Variants in XRRA1 observed in about 807,000 individuals in gnomAD.
XRRA1 encodes X-ray radiation resistance-associated protein 1.
A neutral mutation model predicts 80.2 loss-of-function variants in XRRA1; 69 were observed. The ratio of observed to expected loss-of-function variants is 0.86; its 90% confidence interval spans 0.71 to 1.05. The LOEUF (loss-of-function observed/expected upper bound fraction) is 1.05. Among genes scored for constraint, XRRA1 ranks in the 50% least tolerant of loss-of-function variants. XRRA1 has a pLI of 0.00. For missense variants in XRRA1, 967 were observed against 976.4 expected, an observed-to-expected ratio of 0.99 and a Z score of 0.13; for synonymous variants, 348 against 389.9, an observed-to-expected ratio of 0.89 and a Z score of 1.27.
intron 10 of XRRA1, among the ~76,000 whole-genome samples, chr11:74,880,321 T>A (rs1345870021): frequency 6.6e-6 from 1 of 152,238 alleles, no homozygotes; most frequent in African/African-American, 2.4e-5. Context: ...ATCCCCTTTA[T>A]CATTTTTTAT....
intron 10 of XRRA1, among the ~76,000 whole-genome samples, chr11:74,865,754 G>A (rs2043256878): frequency 6.6e-6 from 1 of 152,246 alleles, no homozygotes. Context: ...CCCATGCAGA[G>A]ACCTGCTGGG....
At chr11:74,872,370 T>C (rs1442573368) in intron 10 of XRRA1, among the ~76,000 whole-genome samples, 1 of 152,198 alleles carries the variant, frequency 6.6e-6, no homozygotes, top group East Asian at 1.9e-4. Flanking sequence ...AAGCAGGCTA[T>C]AGGACCAGAT....
chr11:74,894,366 G>A (rs1322459639), intron 10 of XRRA1, among the ~76,000 whole-genome samples: 1 of 152,086 alleles, frequency 6.6e-6, no homozygotes. Context: ...CCCATGACAT[G>A]CAATTTACCT....
At chr11:74,849,766 T>G (rs899293179) in intron 14 of XRRA1, among the ~76,000 whole-genome samples, 1 of 152,248 alleles carries the variant, frequency 6.6e-6, no homozygotes, top group African/African-American at 2.4e-5. Context: ...GAGACCAGGC[T>G]ATTTTATCTT....
chr11:74,849,112 C>A (rs561795566), intron 14 of XRRA1, among the ~76,000 whole-genome samples: 1 of 152,196 alleles, frequency 6.6e-6, no homozygotes. Flanking sequence ...GTCCATGTGC[C>A]CTCAGCTGGG....
chr11:74,933,993 T>G (rs1944301924), intron 4 of XRRA1, 121 bp from the exon 5 acceptor site: 2 of 726,644 alleles, frequency 2.8e-6, no homozygotes, highest in African/African-American at 3.5e-5. Flanking sequence ...GCTTGTTCAT[T>G]CATTCATTCA....
intron 10 of XRRA1, among the ~76,000 whole-genome samples, chr11:74,874,428 G>A (rs576620036): frequency 3.6e-4 from 55 of 152,156 alleles, no homozygotes; most frequent in African/African-American, 1.2e-3. Context: ...GGCCCTGGGA[G>A]TTTTAACTCA....
intron 11 of XRRA1, among the ~76,000 whole-genome samples, chr11:74,861,882 T>C (rs542561753): frequency 3.9e-5 from 6 of 152,322 alleles, no homozygotes; most frequent in Admixed American, 1.3e-4. Flanking sequence ...ACTTCCAAAC[T>C]TGTGGCTGGC....
chr11:74,850,431 A>C (rs1232896210), intron 14 of XRRA1, among the ~76,000 whole-genome samples: 1 of 152,204 alleles, frequency 6.6e-6, no homozygotes, highest in Non-Finnish European at 1.5e-5. Flanking sequence ...GTCAGACAAG[A>C]GCCTGGCTGG....
At chr11:74,879,948 T>C (rs1437267537) in intron 10 of XRRA1, among the ~76,000 whole-genome samples, 7 of 152,062 alleles carry the variant, frequency 4.6e-5, no homozygotes, top group Non-Finnish European at 8.8e-5. Flanking sequence ...TGTCTCTGCC[T>C]GGCTTTGGTA....
chr11:74,886,042 A>C (rs2048940294), intron 10 of XRRA1, among the ~76,000 whole-genome samples: 1 of 152,248 alleles, frequency 6.6e-6, no homozygotes, highest in Non-Finnish European at 1.5e-5. Context: ...TCAATAAACT[A>C]GGCATTTAAG....
chr11:74,932,307 A>G (rs1399847792), intron 5 of XRRA1, among the ~76,000 whole-genome samples: 5 of 152,220 alleles, frequency 3.3e-5, no homozygotes, highest in Non-Finnish European at 7.3e-5. Flanking sequence ...CAGCTAAGCT[A>G]CCACCCTCTC....
chr11:74,906,927 A>C, intron 9 of XRRA1: 1 of 537,978 alleles, frequency 1.9e-6, no homozygotes, highest in Non-Finnish European at 3.2e-6. Context: ...TGCTGCTTCT[A>C]ATTCAGTCAT....
intron 8 of XRRA1, among the ~76,000 whole-genome samples, chr11:74,917,884 A>ACC (rs1939246305): frequency 6.6e-6 from 1 of 152,112 alleles, no homozygotes; most frequent in African/African-American, 2.4e-5. Context: ...ATTTCACTGA[A>ACC]CCAACAGTCA....
At chr11:74,877,748 T>G (rs1309798020) in intron 10 of XRRA1, among the ~76,000 whole-genome samples, 1 of 151,968 alleles carries the variant, frequency 6.6e-6, no homozygotes, top group Non-Finnish European at 1.5e-5. Context: ...TTACTGAGAA[T>G]GATGATTTCC....
intron 8 of XRRA1, among the ~76,000 whole-genome samples, chr11:74,912,942 A>G (rs1324157900): frequency 2.6e-5 from 4 of 152,230 alleles, no homozygotes; most frequent in Non-Finnish European, 5.9e-5. Flanking sequence ...AAGGATTACT[A>G]GACAGTGTCT....
chr11:74,868,513 A>C (rs1236297956), intron 10 of XRRA1, among the ~76,000 whole-genome samples: 6 of 152,200 alleles, frequency 3.9e-5, no homozygotes, highest in African/African-American at 1.4e-4. Flanking sequence ...ATCAATATTA[A>C]CTTTGAATAT....
At chr11:74,862,109 T>C (rs1404100784) in intron 11 of XRRA1, among the ~76,000 whole-genome samples, 1 of 152,218 alleles carries the variant, frequency 6.6e-6, no homozygotes, top group Non-Finnish European at 1.5e-5. Flanking sequence ...ACCCTGATGC[T>C]GTAATGAAAC....
At position 74,949,079 on chromosome 11, in the gene XRRA1, G is replaced by T. The variant is rs1023977042; in HGVS notation, c.-224C>A. 2.1e-6 allele frequency: 1 copy of T among 478,890 alleles called. No homozygotes were observed. Among genetic ancestry groups the T allele is most frequent in the Non-Finnish European group, 3.7e-6 (1 of 269,150 alleles). 29.7% of individuals were successfully genotyped at this position (478,890 alleles called of 1,614,324 possible). A position where few individuals can be genotyped will look rare whatever the true frequency, so the allele number is the denominator to read the frequency against. On this transcript the variant is annotated 5_prime_UTR_variant, in exon 1 of 19. Coordinates refer to ENST00000684022, the MANE Select transcript of XRRA1 (RefSeq NM_001378157.1). ...CCCCACGCCTTAGTAACTGCGACGC[G>T]ACGGCAGACAGTGTAGGCGGCAACC...
Sources: allele counts gnomAD v4.1 joint callset (sites outside exome capture counted in the v4.1 genomes callset), GRCh38; gene constraint gnomAD v4.1.1; transcripts MANE v1.5; gene names NCBI Gene and HGNC (gene_info 2026-07-23, HGNC 2026-07-21).